The following NCOA2 variants were observed in gnomAD, a reference collection of about 807,000 sequenced individuals.
NCOA2 encodes nuclear receptor coactivator 2.
Under a neutral mutation model 145.1 loss-of-function variants are expected in NCOA2, and 21 were observed. The observed-to-expected ratio is 0.14, with a 90% CI of 0.10 to 0.21. NCOA2 has a LOEUF of 0.21. Ranked by LOEUF, NCOA2 falls within the 10% of genes least tolerant of loss-of-function variation. NCOA2 has a pLI of 1.00. For missense variants in NCOA2, 1,472 were observed against 1,837.6 expected (o/e 0.80, Z 3.64); for synonymous variants, 619 against 637.5 (o/e 0.97, Z 0.44).
At chr8:70,140,209 C>T (rs1468412337) in intron 14 of NCOA2, among the ~76,000 whole-genome samples, 1 of 152,180 alleles carries the variant, frequency 6.6e-6, no homozygotes, top group Non-Finnish European at 1.5e-5. Context: ...CTTCAGAACG[C>T]TTTCATTCCC....
At chr8:70,414,333 C>T in the NCOA2 span, among the ~76,000 whole-genome samples, 1 of 152,134 alleles carries the variant, frequency 6.6e-6, no homozygotes, top group East Asian at 1.9e-4. Context: ...TTACTGTGGG[C>T]TTTGCAGCTG....
At chr8:70,330,216 A>ATAATGATGATG (rs137886603) in intron 1 of NCOA2, among the ~76,000 whole-genome samples, 5 of 150,800 alleles carry the variant, frequency 3.3e-5, no homozygotes, top group South Asian at 4.2e-4. Flanking sequence ...TGATGATGAT[A>ATAATGATGATG]ATGATGATGA....
the NCOA2 span, among the ~76,000 whole-genome samples, chr8:70,430,943 T>C: frequency 6.6e-6 from 1 of 152,160 alleles, no homozygotes; most frequent in Non-Finnish European, 1.5e-5. Flanking sequence ...AATAAATGGA[T>C]TTACGAAATC....
chr8:70,260,716 G>A (rs1055253109), intron 2 of NCOA2, among the ~76,000 whole-genome samples: 20 of 152,084 alleles, frequency 1.3e-4, no homozygotes, highest in Non-Finnish European at 5.9e-5. Flanking sequence ...AGATACTAAG[G>A]CTGTCAATTT....
the NCOA2 span, among the ~76,000 whole-genome samples, chr8:70,441,792 G>C: frequency 6.5e-5 from 1 of 15,378 alleles, no homozygotes; most frequent in African/African-American, 1.2e-4. Context: ...GAGAAAGAAA[G>C]AAAGAAAGAA....
intron 1 of NCOA2, among the ~76,000 whole-genome samples, chr8:70,386,125 G>C (rs188780043): frequency 4.6e-5 from 7 of 152,242 alleles, no homozygotes; most frequent in Middle Eastern, 3.4e-3. Context: ...CTTAGGACCA[G>C]ACAAAGGGAT....
At chr8:70,421,603 A>C in the NCOA2 span, among the ~76,000 whole-genome samples, 1 of 152,104 alleles carries the variant, frequency 6.6e-6, no homozygotes, top group Non-Finnish European at 1.5e-5. Context: ...TACGATAATA[A>C]TTCCGAAAAC....
intron 1 of NCOA2, among the ~76,000 whole-genome samples, chr8:70,394,804 G>A (rs547790932): frequency 4.5e-4 from 69 of 152,260 alleles, no homozygotes; most frequent in African/African-American, 1.6e-3. Flanking sequence ...TAAAAGCTAA[G>A]GAATGTAATA....
chr8:70,190,792 G>A (rs1460579187), intron 4 of NCOA2, among the ~76,000 whole-genome samples: 1 of 152,158 alleles, frequency 6.6e-6, no homozygotes, highest in Non-Finnish European at 1.5e-5. Context: ...GGAGGCAGAG[G>A]TTGCAGTAAG....
At position 70,144,819 on chromosome 8, in the gene NCOA2, C is replaced by T. The variant is rs1263070603; in HGVS notation, c.2635G>A (p.Gly879Ser). 6.2e-7 allele frequency: 1 copy of T among 1,613,774 alleles called. No individual in the cohort carries two copies. The highest frequency in any genetic ancestry group is 1.3e-5 in the African/African-American group (1 of 74,878). Residue 879 changes from glycine (G) to serine (S), a missense_variant, in exon 13 of 23, where the codon GGC becomes AGC. By Grantham distance (56) the Gly-to-Ser change is moderately conservative. Coordinates refer to ENST00000452400, the MANE Select transcript of NCOA2 (RefSeq NM_006540.4). ...AAATTCTGGTTTGGCAATAACCTGC[C>T]CAGTTGCCCTGGTCGTGGGTTATTA... is the stretch of plus-strand genomic sequence containing the variant. ...TFNNPRPGQL[G>S]RLLPNQNLPL... is the part of the protein sequence containing the mutation.
intron 1 of NCOA2, among the ~76,000 whole-genome samples, chr8:70,311,886 C>G (rs1198747012): frequency 6.6e-6 from 1 of 152,204 alleles, no homozygotes; most frequent in Non-Finnish European, 1.5e-5. Context: ...GCATCCACAT[C>G]TTCTATTTGC....
intron 4 of NCOA2, among the ~76,000 whole-genome samples, chr8:70,197,095 G>A (rs1370906531): frequency 4.6e-5 from 7 of 152,108 alleles, no homozygotes; most frequent in African/African-American, 1.7e-4. Context: ...TTCTCTTAAC[G>A]CTGCTAAAGA....
chr8:70,417,674 G>A, the NCOA2 span, among the ~76,000 whole-genome samples: 1 of 152,164 alleles, frequency 6.6e-6, no homozygotes, highest in African/African-American at 2.4e-5. Flanking sequence ...ACCCGGTCAG[G>A]TGACTCAAAA....
At chr8:70,301,034 A>G (rs1827449472) in intron 1 of NCOA2, among the ~76,000 whole-genome samples, 1 of 152,202 alleles carries the variant, frequency 6.6e-6, no homozygotes, top group Non-Finnish European at 1.5e-5. Flanking sequence ...GTTCTAACCC[A>G]CAAGAGTCTG....
chr8:70,198,743 A>G (rs1163978536), intron 4 of NCOA2, among the ~76,000 whole-genome samples: 1 of 152,208 alleles, frequency 6.6e-6, no homozygotes, highest in African/African-American at 2.4e-5. Context: ...TGAGGTTTCT[A>G]GCCTCGGTAA....
intron 11 of NCOA2, among the ~76,000 whole-genome samples, chr8:70,151,962 A>T (rs923420183): frequency 6.6e-6 from 1 of 152,034 alleles, no homozygotes; most frequent in East Asian, 1.9e-4. Flanking sequence ...CTGTTAAAAA[A>T]TTTTCTCCCC....
chr8:70,331,552 T>G (rs1236437025), intron 1 of NCOA2, among the ~76,000 whole-genome samples: 1 of 152,162 alleles, frequency 6.6e-6, no homozygotes, highest in Non-Finnish European at 1.5e-5. Flanking sequence ...AAATTAATGC[T>G]ATGTATTAAT....
In NCOA2 at chr8:70,218,524, A is replaced by G. The variant is rs1483223424; in HGVS notation, c.-19-1760T>C. On this transcript the variant is annotated intron_variant, in intron 2 of 22. Transcript: ENST00000452400. ...AAGCTTCACCACTTTTAGCTATGCG[A>G]GGCTCACTTGAGACCAGGAGTTGGA... Among the ~76,000 whole-genome samples the G allele has an allele frequency of 2.6e-5, 4 of 152,192 alleles. 1 individual carries two copies. Among genetic ancestry groups the G allele is most frequent in the Non-Finnish European group, 5.9e-5 (4 of 68,026 alleles).
chr8:70,126,008 A>G (rs1808373112), intron 19 of NCOA2, among the ~76,000 whole-genome samples: 1 of 152,246 alleles, frequency 6.6e-6, no homozygotes, highest in Non-Finnish European at 1.5e-5. Flanking sequence ...AGAAAAGCTT[A>G]AGATCATATA....
Sources: gnomAD v4.1 joint callset for allele counts (sites outside exome capture counted in the v4.1 genomes callset) on GRCh38, gnomAD v4.1.1 for gene constraint, MANE v1.5 for transcripts, NCBI Gene and HGNC (gene_info 2026-07-23, HGNC 2026-07-21) for gene names.